The following CAMKMT variants were observed in gnomAD, a reference collection of about 807,000 sequenced individuals.
CAMKMT encodes the protein calmodulin-lysine N-methyltransferase.
Under a neutral mutation model 48.0 loss-of-function variants are expected in CAMKMT, and 53 were observed. The ratio of observed to expected loss-of-function variants is 1.10; its 90% CI spans 0.89 to 1.39. The LOEUF (loss-of-function observed/expected upper bound fraction) is 1.39. Ranked by LOEUF, CAMKMT falls within the 40% of genes most tolerant of loss-of-function variation. CAMKMT has a pLI of 0.00. For missense variants in CAMKMT, 428 were observed against 402.7 expected, an observed-to-expected ratio of 1.06 and a Z score of -0.54; for synonymous variants, 165 against 152.3, an observed-to-expected ratio of 1.08 and a Z score of -0.61.
chr2:44,431,507 T>C (rs528277787), intron 3 of CAMKMT, among the ~76,000 whole-genome samples: 2 of 152,330 alleles, frequency 1.3e-5, no homozygotes, highest in African/African-American at 2.4e-5. Context: ...CCTTTTTTAC[T>C]GTAGAGGTAA....
chr2:44,683,396 G>A (rs1348351848), intron 3 of CAMKMT, among the ~76,000 whole-genome samples: 1 of 152,162 alleles, frequency 6.6e-6, no homozygotes, highest in African/African-American at 2.4e-5. Context: ...GAGAACCATA[G>A]TGAGGTATTA....
intron 7 of CAMKMT, among the ~76,000 whole-genome samples, chr2:44,736,893 A>C (rs1438639392): frequency 6.6e-6 from 1 of 152,154 alleles, no homozygotes; most frequent in Non-Finnish European, 1.5e-5. Flanking sequence ...GATTCTTAGA[A>C]TATATTAAAG....
At chr2:44,514,919 T>C (rs888320280) in intron 3 of CAMKMT, among the ~76,000 whole-genome samples, 3 of 152,184 alleles carry the variant, frequency 2.0e-5, no homozygotes, top group Admixed American at 1.3e-4. Flanking sequence ...CTATGACTTA[T>C]GGGATGGGAC....
At chr2:44,447,449 A>G (rs563816395) in intron 3 of CAMKMT, among the ~76,000 whole-genome samples, 1 of 152,312 alleles carries the variant, frequency 6.6e-6, no homozygotes, top group South Asian at 2.1e-4. Context: ...ATATATGTGA[A>G]TGTATCAGTC....
intron 3 of CAMKMT, among the ~76,000 whole-genome samples, chr2:44,406,403 A>G (rs1682781638): frequency 6.6e-6 from 1 of 152,086 alleles, no homozygotes; most frequent in Non-Finnish European, 1.5e-5. Flanking sequence ...AGATATTCCT[A>G]TTCAGATACT....
At chr2:44,434,680 A>G (rs1286708632) in intron 3 of CAMKMT, among the ~76,000 whole-genome samples, 1 of 152,142 alleles carries the variant, frequency 6.6e-6, no homozygotes, top group African/African-American at 2.4e-5. Context: ...GTGTGTGTGT[A>G]TGTGTCTGTG....
rs1291399473 is a variant in CAMKMT, at chr2:44,743,621, G to A, written c.624-1G>A. On this transcript the variant is annotated splice_acceptor_variant, in intron 7 of 10. Coordinates refer to ENST00000378494, the MANE Select transcript of CAMKMT (RefSeq NM_024766.5). LOFTEE classifies it high-confidence loss of function. ...ATTTTTAAAATCTTTTTCTCCTCAAGCGTTTTACGATGGGATAATGAGACA... is the reference window on the plus strand; with the variant it reads ...ATTTTTAAAATCTTTTTCTCCTCAAACGTTTTACGATGGGATAATGAGACA... 1.2e-6 allele frequency: 2 copies of A among 1,609,310 alleles called. No individual in the cohort carries two copies. Among genetic ancestry groups the A allele is most frequent in the Non-Finnish European group, 1.7e-6 (2 of 1,177,550 alleles).
At chr2:44,609,268 G>C (rs114427258) in intron 3 of CAMKMT, among the ~76,000 whole-genome samples, 1,857 of 152,298 alleles carry the variant, frequency 0.012, 22 homozygotes, top group Non-Finnish European at 0.02. Flanking sequence ...GGAGGAATAA[G>C]TTCAAGAGAC....
At position 44,407,318 on chromosome 2, in the gene CAMKMT, C is replaced by T. The variant is rs188271802; in HGVS notation, c.376+17013C>T. Among the ~76,000 whole-genome samples the T allele has an allele frequency of 9.9e-5, 15 of 152,254 alleles. No homozygotes were observed. In the East Asian group the frequency reaches 2.9e-3, roughly 29 times the overall value. On this transcript the variant is annotated intron_variant, in intron 3 of 10. Transcript: ENST00000378494. ...CTAGAAGTAGACTGTTAAGTTGGTTCAAGGCTTGTGGTAGGGCCTGGAGGG... is the reference window on the plus strand; with the variant it reads ...CTAGAAGTAGACTGTTAAGTTGGTTTAAGGCTTGTGGTAGGGCCTGGAGGG...
At chr2:44,383,844 A>G (rs978516295) in intron 2 of CAMKMT, among the ~76,000 whole-genome samples, 1 of 152,156 alleles carries the variant, frequency 6.6e-6, no homozygotes, top group African/African-American at 2.4e-5. Context: ...GTATATATAT[A>G]TATACCACAG....
intron 9 of CAMKMT, among the ~76,000 whole-genome samples, chr2:44,755,089 G>C (rs753485382): frequency 2.0e-5 from 3 of 152,098 alleles, no homozygotes; most frequent in Non-Finnish European, 4.4e-5. Context: ...ACCTTCAGTG[G>C]TTCCCAGAGC....
chr2:44,392,719 TAG>T, intron 3 of CAMKMT, among the ~76,000 whole-genome samples: 1 of 152,004 alleles, frequency 6.6e-6, no homozygotes, highest in African/African-American at 2.4e-5. Context: ...TACAAAAAAA[TAG>T]ATTTTTCCTG....
intron 3 of CAMKMT, among the ~76,000 whole-genome samples, chr2:44,639,039 G>A (rs772925534): frequency 3.5e-4 from 54 of 152,146 alleles, no homozygotes; most frequent in African/African-American, 1.0e-3. Context: ...GAGTTACATC[G>A]ATTTCCTTTG....
At chr2:44,558,501 C>T (rs555855621) in intron 3 of CAMKMT, among the ~76,000 whole-genome samples, 1 of 152,078 alleles carries the variant, frequency 6.6e-6, no homozygotes, top group Non-Finnish European at 1.5e-5. Context: ...AGAAGTCTAT[C>T]TTCAATAGAT....
intron 3 of CAMKMT, among the ~76,000 whole-genome samples, chr2:44,422,094 G>A (rs1179313027): frequency 1.3e-5 from 2 of 152,154 alleles, no homozygotes; most frequent in African/African-American, 2.4e-5. Flanking sequence ...GGGCCTGGTG[G>A]GAGGTGTTTG....
rs149236452 is a variant in CAMKMT at position 44,578,484 on chromosome 2, G to A, written c.377-125799G>A. Among the ~76,000 whole-genome samples, 7 of 151,248 alleles carry A rather than the reference G, an allele frequency of 4.6e-5. No individual in the cohort carries two copies. In the East Asian group the frequency reaches 1.4e-3, roughly 29 times the overall value. On this transcript the variant is annotated intron_variant, in intron 3 of 10. Coordinates refer to ENST00000378494, the MANE Select transcript of CAMKMT (RefSeq NM_024766.5). The stretch of plus-strand genomic sequence containing the variant: ...GATCTTCAGCCTCATATGGCAGGTT[G>A]TAATGTGTTACTGAGGTATTTTTAA...
chr2:44,475,251 A>G (rs897122918), intron 3 of CAMKMT, among the ~76,000 whole-genome samples: 1 of 152,202 alleles, frequency 6.6e-6, no homozygotes, highest in Admixed American at 6.5e-5. Flanking sequence ...CTTGTTCTGA[A>G]TAAAGGAATA....
intron 3 of CAMKMT, among the ~76,000 whole-genome samples, chr2:44,420,902 T>C (rs1254075636): frequency 6.6e-6 from 1 of 152,034 alleles, no homozygotes; most frequent in East Asian, 1.9e-4. Context: ...TCTTTGTTAA[T>C]CACTTTCAGA....
chr2:44,643,356 A>C (rs1673554403), intron 3 of CAMKMT, among the ~76,000 whole-genome samples: 1 of 152,234 alleles, frequency 6.6e-6, no homozygotes, highest in Non-Finnish European at 1.5e-5. Flanking sequence ...AAATAACATG[A>C]AAAGATACAT....
Sources: gnomAD v4.1 joint callset for allele counts (sites outside exome capture counted in the v4.1 genomes callset) on GRCh38, gnomAD v4.1.1 for gene constraint, MANE v1.5 for transcripts, NCBI Gene and HGNC (gene_info 2026-07-23, HGNC 2026-07-21) for gene names.